Variants in NKAIN2 observed in about 807,000 individuals in gnomAD.
NKAIN2 encodes the protein sodium/potassium transporting ATPase interacting 2.
NKAIN2 carries 14 observed loss-of-function variants against 32.6 expected under a neutral mutation model. That is an observed-to-expected ratio of 0.43 (90% CI 0.28 to 0.67). The LOEUF (loss-of-function observed/expected upper bound fraction) is 0.67. Among genes scored for constraint, NKAIN2 ranks in the 30% least tolerant of loss-of-function variants. The pLI, the probability that NKAIN2 is intolerant of heterozygous loss-of-function variation, is 0.17. For synonymous variants in NKAIN2, 80 were observed against 87.2 expected (o/e 0.92, Z 0.46); for missense variants, 198 against 258.3 (o/e 0.77, Z 1.60).
At chr6:124,056,313 C>T (rs1157214911) in intron 1 of NKAIN2, among the ~76,000 whole-genome samples, 1 of 150,588 alleles carries the variant, frequency 6.6e-6, no homozygotes, top group Admixed American at 6.6e-5. Context: ...AGCTATATAT[C>T]TTGCTTCCTG....
At chr6:124,443,485 A>G (rs9401746) in intron 3 of NKAIN2, among the ~76,000 whole-genome samples, 136,651 of 152,206 alleles carry the variant, frequency 0.9, 61,587 homozygotes, top group African/African-American at 0.97. Context: ...GTCTGGTATA[A>G]TGGTTGCAAT....
chr6:124,701,138 T>TACAC (rs888856391), intron 4 of NKAIN2, among the ~76,000 whole-genome samples: 9 of 118,996 alleles, frequency 7.6e-5, no homozygotes, highest in East Asian at 2.4e-4. Flanking sequence ...AGGAGAGAGA[T>TACAC]ACACACACAC....
At chr6:124,314,108 G>T (rs1229859662) in intron 2 of NKAIN2, among the ~76,000 whole-genome samples, 2 of 152,056 alleles carry the variant, frequency 1.3e-5, no homozygotes, top group Non-Finnish European at 2.9e-5. Context: ...AGCACGGGTG[G>T]ATTGGCTGCC....
At chr6:123,965,151 CT>C (rs1778015333) in intron 1 of NKAIN2, among the ~76,000 whole-genome samples, 1 of 152,062 alleles carries the variant, frequency 6.6e-6, no homozygotes, top group South Asian at 2.1e-4. Context: ...CTGAAACTTT[CT>C]GATGGGAGAT....
At chr6:124,411,121 T>C (rs1357167283) in intron 3 of NKAIN2, among the ~76,000 whole-genome samples, 2 of 152,200 alleles carry the variant, frequency 1.3e-5, no homozygotes, top group Non-Finnish European at 2.9e-5. Context: ...CTGATGGGTC[T>C]TGACTCTTTA....
chr6:124,637,821 A>C (rs537963321), intron 3 of NKAIN2, among the ~76,000 whole-genome samples: 1 of 152,286 alleles, frequency 6.6e-6, no homozygotes, highest in Admixed American at 6.5e-5. Context: ...AATATGGCTA[A>C]AATGACCATC....
chr6:124,696,019 G>A (rs1383967865), intron 4 of NKAIN2, among the ~76,000 whole-genome samples: 1 of 152,108 alleles, frequency 6.6e-6, no homozygotes, highest in Non-Finnish European at 1.5e-5. Flanking sequence ...CATAATGGTG[G>A]GATCTAATGG....
At chr6:123,908,548 T>G (rs993268948) in intron 1 of NKAIN2, among the ~76,000 whole-genome samples, 1 of 152,168 alleles carries the variant, frequency 6.6e-6, no homozygotes, top group African/African-American at 2.4e-5. Flanking sequence ...ATTACAAAAC[T>G]TAGTTACAAG....
chr6:123,868,645 T>C (rs1359572533), intron 1 of NKAIN2, among the ~76,000 whole-genome samples: 1 of 152,188 alleles, frequency 6.6e-6, no homozygotes, highest in African/African-American at 2.4e-5. Flanking sequence ...ATTTCAAAAT[T>C]ATTTACAAAT....
chr6:124,793,679 CAA>C (rs60417104), intron 5 of NKAIN2, among the ~76,000 whole-genome samples: 1 of 142,706 alleles, frequency 7.0e-6, no homozygotes, highest in African/African-American at 2.7e-5. Context: ...ACATACTGCT[CAA>C]AAAAAAAAAA....
At position 124,285,259 on chromosome 6, in the gene NKAIN2, G is replaced by T. The variant is rs546266965; in HGVS notation, c.192+2117G>T. The stretch of plus-strand genomic sequence containing the variant: ...TTTTTTCCAACTCAGCAAGTCCTGG[G>T]TTAGAAATATATCCTCTAAATTCTG... On this transcript the variant is annotated intron_variant, in intron 2 of 6. Transcript: ENST00000368417. Among the ~76,000 whole-genome samples, 10 of 152,224 alleles carry T rather than the reference G, an allele frequency of 6.6e-5. No homozygotes were observed. The South Asian group carries it at 2.1e-3, about 32-fold the overall frequency.
chr6:124,234,191 A>G (rs1023835898), intron 1 of NKAIN2, among the ~76,000 whole-genome samples: 1 of 152,190 alleles, frequency 6.6e-6, no homozygotes, highest in Admixed American at 6.6e-5. Context: ...CTAAAGCATC[A>G]TTGAATCTGA....
At chr6:124,414,391 T>G (rs1028706666) in intron 3 of NKAIN2, among the ~76,000 whole-genome samples, 5 of 152,212 alleles carry the variant, frequency 3.3e-5, no homozygotes. Flanking sequence ...TATATAATGT[T>G]GGATTCTATT....
chr6:123,904,106 C>G (rs935644761), intron 1 of NKAIN2, among the ~76,000 whole-genome samples: 6 of 151,940 alleles, frequency 3.9e-5, no homozygotes, highest in Non-Finnish European at 8.8e-5. Flanking sequence ...TGGTGCATGC[C>G]TGTAATCTCA....
At chr6:124,030,933 A>G (rs545415390) in intron 1 of NKAIN2, among the ~76,000 whole-genome samples, 8 of 152,270 alleles carry the variant, frequency 5.3e-5, no homozygotes, top group African/African-American at 1.9e-4. Context: ...AGAGGAACCC[A>G]CTAGGTTCTC....
Position 124,108,396 on chromosome 6 carries a change from G to C in NKAIN2, c.55-174609G>C, listed in dbSNP as rs1785217221. ...TGGCAAGAGGTGTGGCTATTTATTT[G>C]TAGTGATTCCTTATATATTTTAGAT... is the stretch of plus-strand genomic sequence containing the variant. On this transcript the variant is annotated intron_variant, in intron 1 of 6. Transcript: ENST00000368417. Among the ~76,000 whole-genome samples, 4 of 151,952 alleles carry C rather than the reference G, an allele frequency of 2.6e-5. 1 individual carries two copies. In the South Asian group the frequency reaches 8.3e-4, roughly 31 times the overall value.
chr6:124,244,337 A>G (rs2689891), intron 1 of NKAIN2, among the ~76,000 whole-genome samples: 64,628 of 148,976 alleles, frequency 0.43, 15,995 homozygotes, highest in African/African-American at 0.68. Flanking sequence ...GAGAATATGC[A>G]TTGTTTGGTT....
chr6:124,488,296 C>T (rs900292756), intron 3 of NKAIN2, among the ~76,000 whole-genome samples: 1 of 151,896 alleles, frequency 6.6e-6, no homozygotes, highest in African/African-American at 2.4e-5. Context: ...TTTTAACAAC[C>T]TTGTGCAATG....
chr6:124,048,088 A>G (rs1782227468), intron 1 of NKAIN2, among the ~76,000 whole-genome samples: 1 of 151,960 alleles, frequency 6.6e-6, no homozygotes, highest in South Asian at 2.1e-4. Flanking sequence ...AGACTTTCCA[A>G]CATGCTTGCC....
Sources: allele counts gnomAD v4.1 joint callset (sites outside exome capture counted in the v4.1 genomes callset), GRCh38; gene constraint gnomAD v4.1.1; transcripts MANE v1.5; gene names NCBI Gene and HGNC (gene_info 2026-07-23, HGNC 2026-07-21).